ARHGAP32: variants seen among roughly 807,000 people sequenced by gnomAD.
ARHGAP32 encodes rho GTPase-activating protein 32.
In ARHGAP32, 51 loss-of-function variants were observed where a neutral mutation model predicts 186.5. That is an observed-to-expected ratio of 0.27 (90% CI 0.22 to 0.35). The LOEUF is 0.35. Among genes scored for constraint, ARHGAP32 ranks in the 10% least tolerant of loss-of-function variants. The pLI is 1.00. For synonymous variants in ARHGAP32, 950 were observed against 964.3 expected (o/e 0.99, Z 0.27); for missense variants, 2,186 against 2,623.5 (o/e 0.83, Z 3.64).
At chr11:129,027,188 G>A (rs1938895448) in intron 11 of ARHGAP32, among the ~76,000 whole-genome samples, 2 of 151,516 alleles carry the variant, frequency 1.3e-5, no homozygotes, top group Non-Finnish European at 2.9e-5. Context: ...AATATATCCA[G>A]AAGCAGATCA....
intron 6 of ARHGAP32, among the ~76,000 whole-genome samples, chr11:129,081,476 T>G (rs1941217066): frequency 6.6e-6 from 1 of 151,980 alleles, no homozygotes. Flanking sequence ...TCAATAAATG[T>G]AATACACAAC....
chr11:129,211,174 G>GT lies in ARHGAP32; in HGVS notation c.-4-46748dup, dbSNP rs528780660. ...TCTTTACTTATTAGGACTCTGACAT[G>GT]TTTTTTAACTAACTGTTTTTAACTA... On this transcript the variant is annotated intron_variant, in intron 1 of 6. Transcript: ENST00000525234. 1.5e-3 allele frequency among the ~76,000 whole-genome samples: 221 copies of GT among 152,196 alleles called. 1 individual carries two copies. Among genetic ancestry groups the GT allele is most frequent in the African/African-American group, 4.9e-3 (204 of 41,546 alleles).
At chr11:129,147,795 G>C (rs1943197942) in intron 2 of ARHGAP32, among the ~76,000 whole-genome samples, 1 of 151,882 alleles carries the variant, frequency 6.6e-6, no homozygotes. Flanking sequence ...AATATCTTTG[G>C]CTTGTGCTCA....
intron 2 of ARHGAP32, among the ~76,000 whole-genome samples, chr11:129,132,326 A>G (rs1321841820): frequency 2.6e-5 from 4 of 152,144 alleles, no homozygotes; most frequent in African/African-American, 9.7e-5. Context: ...AGAAATATTT[A>G]AATGTTAGCC....
At chr11:129,116,027 AG>A (rs1303001659) in intron 5 of ARHGAP32, among the ~76,000 whole-genome samples, 1 of 152,076 alleles carries the variant, frequency 6.6e-6, no homozygotes, top group Non-Finnish European at 1.5e-5. Context: ...ATGGAGAACC[AG>A]GGCCTAGGGA....
chr11:128,993,230 AT>A (rs1373421446), intron 12 of ARHGAP32: 1 of 152,164 alleles, frequency 6.6e-6, no homozygotes, highest in Non-Finnish European at 1.5e-5. Flanking sequence ...TTTAAAAAAA[AT>A]TTTTATTTTA....
intron 1 of ARHGAP32, among the ~76,000 whole-genome samples, chr11:129,165,501 T>G (rs1943617578): frequency 6.7e-6 from 1 of 149,818 alleles, no homozygotes; most frequent in Non-Finnish European, 1.5e-5. Flanking sequence ...AAATTAACTG[T>G]CTTTGGAGGA....
intron 1 of ARHGAP32, among the ~76,000 whole-genome samples, chr11:129,243,550 T>A (rs1945048597): frequency 6.6e-6 from 1 of 152,172 alleles, no homozygotes; most frequent in Non-Finnish European, 1.5e-5. Flanking sequence ...AGATATTCCA[T>A]CTTCCTAAAA....
chr11:129,200,042 A>G (rs1392851646), intron 1 of ARHGAP32, among the ~76,000 whole-genome samples: 1 of 152,168 alleles, frequency 6.6e-6, no homozygotes, highest in East Asian at 1.9e-4. Context: ...TGGGCCCTGT[A>G]GCCCCTTTGG....
At chr11:129,063,406 G>C (rs886491552) in intron 9 of ARHGAP32, among the ~76,000 whole-genome samples, 1 of 151,960 alleles carries the variant, frequency 6.6e-6, no homozygotes, top group Admixed American at 6.6e-5. Context: ...GTGGTAGCAA[G>C]ATGTGTTCAT....
Position 128,970,553 on chromosome 11 carries a change from G to A in ARHGAP32, c.4660C>T (p.Pro1554Ser). The change falls in exon 23 of 23, where the codon CCA becomes TCA. Residue 1554 changes from proline (P) to serine (S), a missense_variant. By Grantham distance (74) the Pro-to-Ser change is moderately conservative. This residue lies in a region of ARHGAP32 where 1,502 missense variants were observed against 1,570.0 expected (regional missense o/e 0.96). Transcript: ENST00000682385. This position sits in a 1 kb window ranked among gnomAD's most constrained non-coding sequence, Gnocchi z 5.8. ...TGGTGTCCAGATGCGTTTCTTCCTGGGGCCACATATGTGTTATAACGAAGA... is the reference window on the plus strand; with the variant it reads ...TGGTGTCCAGATGCGTTTCTTCCTGAGGCCACATATGTGTTATAACGAAGA... Reference protein sequence around the residue: ...MGLRYNTYVAPGRNASGHHSK... With the variant: ...MGLRYNTYVASGRNASGHHSK... The A allele has an allele frequency of 6.2e-7, 1 of 1,614,156 alleles. No individual in the cohort carries two copies. The highest frequency in any genetic ancestry group is 8.5e-7 in the Non-Finnish European group (1 of 1,180,024).
At position 129,267,011 on chromosome 11, in the gene ARHGAP32, C is replaced by T. The variant is rs115264589; in HGVS notation, c.-5+12135G>A. Among the ~76,000 whole-genome samples, 493 of 152,282 alleles carry T rather than the reference C, an allele frequency of 3.2e-3. 4 individuals are homozygous for T. The highest frequency in any genetic ancestry group is 0.011 in the African/African-American group (475 of 41,562). ...TGTACAGGCTGGAGTTCCACAGACACGCACATGCAAACTTCATAGTTCAAG... is the reference window on the plus strand; with the variant it reads ...TGTACAGGCTGGAGTTCCACAGACATGCACATGCAAACTTCATAGTTCAAG... On this transcript the variant is annotated intron_variant, in intron 1 of 6. Coordinates refer to the ARHGAP32 transcript ENST00000525234.
chr11:129,225,739 G>A (rs1325031421), intron 1 of ARHGAP32, among the ~76,000 whole-genome samples: 1 of 152,082 alleles, frequency 6.6e-6, no homozygotes, highest in South Asian at 2.1e-4. Context: ...AAAATAGTAT[G>A]GCCTATACAT....
intron 1 of ARHGAP32, among the ~76,000 whole-genome samples, chr11:129,206,549 G>C (rs1036013876): frequency 1.3e-5 from 2 of 151,986 alleles, no homozygotes; most frequent in African/African-American, 4.8e-5. Flanking sequence ...TCATTCATTT[G>C]AATCAGAAAG....
rs1424136234 is a variant in ARHGAP32, at chr11:128,968,516, T to C, written c.*391A>G. On this transcript the variant is annotated 3_prime_UTR_variant, in exon 23 of 23. Transcript: ENST00000682385. Reference sequence around the variant, plus strand: ...GGGAATGCAGACGCCTACCAGGAAATCGATGTGAACTGCTCTCAATTATGC... The same window carrying C: ...GGGAATGCAGACGCCTACCAGGAAACCGATGTGAACTGCTCTCAATTATGC... The C allele has an allele frequency of 6.5e-6, 1 of 154,624 alleles. No individual in the cohort carries two copies. The highest frequency in any genetic ancestry group is 1.4e-5 in the Non-Finnish European group (1 of 69,916). The allele number at this position is 154,624 out of a possible 1,614,324, so 9.6% of individuals were successfully genotyped here.
intron 1 of ARHGAP32, among the ~76,000 whole-genome samples, chr11:129,249,237 T>TGAA (rs1008485409): frequency 1.3e-5 from 2 of 151,590 alleles, no homozygotes; most frequent in Non-Finnish European, 2.9e-5. Flanking sequence ...GTCTATAAGG[T>TGAA]GAAGAGGATT....
intron 1 of ARHGAP32, among the ~76,000 whole-genome samples, chr11:129,251,948 A>AG (rs1945191692): frequency 1.3e-5 from 2 of 151,314 alleles, no homozygotes; most frequent in East Asian, 3.9e-4. Flanking sequence ...AAAAAAAAAA[A>AG]GTACCATTAC....
intron 1 of ARHGAP32, among the ~76,000 whole-genome samples, chr11:129,222,103 C>T (rs1048589428): frequency 5.9e-5 from 9 of 152,154 alleles, no homozygotes; most frequent in Non-Finnish European, 1.2e-4. Context: ...ACAGCAGCAT[C>T]TGAAGCATTC....
intron 1 of ARHGAP32, among the ~76,000 whole-genome samples, chr11:129,272,956 CA>C: frequency 6.6e-6 from 1 of 152,282 alleles, no homozygotes; most frequent in South Asian, 2.1e-4. Flanking sequence ...TTTAATTGAG[CA>C]GTTCTTACTT....
Sources: allele counts gnomAD v4.1 joint callset (sites outside exome capture counted in the v4.1 genomes callset), GRCh38; gene constraint gnomAD v4.1.1; regional missense constraint gnomAD v4.1.1; non-coding constraint Gnocchi (gnomAD v3.1); transcripts MANE v1.5; gene names NCBI Gene and HGNC (gene_info 2026-07-23, HGNC 2026-07-21).